NFIL3: variants seen among roughly 807,000 people sequenced by gnomAD.
The protein encoded by NFIL3 is nuclear factor interleukin-3-regulated protein.
In NFIL3, 5 loss-of-function variants were observed where a neutral mutation model predicts 10.0. That is an observed-to-expected ratio of 0.50 (90% CI 0.26 to 1.06). NFIL3 has a LOEUF of 1.06. Among genes scored for constraint, NFIL3 ranks in the 50% least tolerant of loss-of-function variants. The probability of loss-of-function intolerance (pLI) is 0.13; values close to 1 mark genes in which losing one functional copy is unlikely to be tolerated. For missense variants in NFIL3, 436 were observed against 547.6 expected (o/e 0.80, Z 2.03); for synonymous variants, 202 against 206.5 (o/e 0.98, Z 0.19).
the NFIL3 span, among the ~76,000 whole-genome samples, chr9:91,462,532 G>A: frequency 1.8e-4 from 28 of 151,920 alleles, no homozygotes; most frequent in Non-Finnish European, 3.4e-4. Flanking sequence ...CTTTGCATAC[G>A]TGGAATAAAT....
chr9:91,446,961 C>T, the NFIL3 span, among the ~76,000 whole-genome samples: 2 of 151,948 alleles, frequency 1.3e-5, no homozygotes, highest in Non-Finnish European at 2.9e-5. Context: ...GATTACAGGT[C>T]CGCACCACCA....
intron 1 of NFIL3, among the ~76,000 whole-genome samples, chr9:91,412,112 A>C (rs1015572082): frequency 6.0e-5 from 9 of 150,472 alleles, no homozygotes; most frequent in Middle Eastern, 3.2e-3. Context: ...AAAAAAAAAA[A>C]AAAAAAAAAA....
In NFIL3 at chr9:91,409,784, T is replaced by C. The variant is rs764081790; in HGVS notation, c.951A>G (p.Glu317=). Residue 317 remains glutamate (E), a synonymous_variant, in exon 2 of 2, where the codon GAA becomes GAG. Coordinates refer to ENST00000297689, the MANE Select transcript of NFIL3 (RefSeq NM_005384.3). The stretch of plus-strand genomic sequence containing the variant: ...TGTGTGGCAAGGCAGAGGAATTCAC[T>C]TCTGGAACTTTAACCACAGTTGCAT... ...HVHATVVKVP[E]VNSSALPHKL... is the part of the protein sequence containing the mutation. 4.9e-5 allele frequency: 79 copies of C among 1,614,140 alleles called. No homozygotes were observed. Among genetic ancestry groups the C allele is most frequent in the Non-Finnish European group, 3.9e-5 (46 of 1,180,060 alleles).
At chr9:91,413,514 G>A (rs549007886) in intron 1 of NFIL3, among the ~76,000 whole-genome samples, 1 of 152,098 alleles carries the variant, frequency 6.6e-6, no homozygotes, top group Non-Finnish European at 1.5e-5. Flanking sequence ...GACTCCCAAA[G>A]TGCTGGGATT....
Position 91,417,721 on chromosome 9 carries a change from C to G in NFIL3, c.-173+5919G>C, listed in dbSNP as rs376832269. 3.9e-5 allele frequency among the ~76,000 whole-genome samples: 6 copies of G among 152,238 alleles called. No homozygotes were observed. The East Asian group carries it at 7.7e-4, about 20-fold the overall frequency. On this transcript the variant is annotated intron_variant, in intron 1 of 1. Coordinates refer to ENST00000297689, the MANE Select transcript of NFIL3 (RefSeq NM_005384.3). ...GCTGAGAAAACTATGTTAAACCTCT[C>G]TAAGGGCCATTCTGTCCCCAAGAAG... is the stretch of plus-strand genomic sequence containing the variant.
At chr9:91,446,193 C>T in the NFIL3 span, among the ~76,000 whole-genome samples, 2 of 152,098 alleles carry the variant, frequency 1.3e-5, no homozygotes, top group Non-Finnish European at 2.9e-5. Context: ...TTTCAGGAGT[C>T]CTCTTGCTTA....
At chr9:91,420,234 AAAT>A (rs1426376344) in intron 1 of NFIL3, among the ~76,000 whole-genome samples, 1 of 152,088 alleles carries the variant, frequency 6.6e-6, no homozygotes, top group Non-Finnish European at 1.5e-5. Flanking sequence ...GCAAATTAAA[AAAT>A]ATATATATTA....
At chr9:91,424,245 T>A (rs12001634), upstream of NFIL3, among the ~76,000 whole-genome samples, 66,807 of 151,894 alleles carry the variant, frequency 0.44, 16,651 homozygotes, top group African/African-American at 0.69. Context: ...GGCTCTGCGC[T>A]CCCCGCGACC....
chr9:91,432,777 T>C, the NFIL3 span, among the ~76,000 whole-genome samples: 1 of 152,194 alleles, frequency 6.6e-6, no homozygotes, highest in South Asian at 2.1e-4. Context: ...TTTCTAGTAC[T>C]CTTTTGGAGT....
chr9:91,411,991 A>G (rs1833558914), intron 1 of NFIL3, among the ~76,000 whole-genome samples: 1 of 150,340 alleles, frequency 6.7e-6, no homozygotes, highest in Non-Finnish European at 1.5e-5. Flanking sequence ...AATCCCAGCT[A>G]CTCGGGAGGC....
chr9:91,447,111 C>A, the NFIL3 span, among the ~76,000 whole-genome samples: 1 of 152,110 alleles, frequency 6.6e-6, no homozygotes, highest in African/African-American at 2.4e-5. Flanking sequence ...CCACTGCGCC[C>A]GGCCCTGATG....
the NFIL3 span, among the ~76,000 whole-genome samples, chr9:91,435,396 T>A: frequency 6.6e-6 from 1 of 152,286 alleles, no homozygotes; most frequent in Non-Finnish European, 1.5e-5. Context: ...TCAAATTTTA[T>A]CTTAATTTGC....
the NFIL3 span, among the ~76,000 whole-genome samples, chr9:91,480,102 A>G: frequency 6.6e-6 from 1 of 150,984 alleles, no homozygotes; most frequent in African/African-American, 2.4e-5. Flanking sequence ...CTATTTGGCC[A>G]TCTTGCCAGC....
At chr9:91,436,619 C>CA in the NFIL3 span, among the ~76,000 whole-genome samples, 1 of 143,110 alleles carries the variant, frequency 7.0e-6, no homozygotes, top group Non-Finnish European at 1.5e-5. Context: ...ACAACAACAA[C>CA]AAAGAGTTGA....
intron 1 of NFIL3, among the ~76,000 whole-genome samples, chr9:91,422,941 C>T (rs750991009): frequency 6.6e-6 from 1 of 152,170 alleles, no homozygotes; most frequent in African/African-American, 2.4e-5. Flanking sequence ...TGCACACATA[C>T]GCGCATATTC....
the NFIL3 span, among the ~76,000 whole-genome samples, chr9:91,434,953 T>A: frequency 6.6e-6 from 1 of 152,200 alleles, no homozygotes; most frequent in Admixed American, 6.5e-5. Context: ...GAGGTCAGCA[T>A]GAACATGCCC....
At position 91,419,560 on chromosome 9, in the gene NFIL3, T is replaced by C. The variant is rs543235651; in HGVS notation, c.-173+4080A>G. 2.3e-4 allele frequency among the ~76,000 whole-genome samples: 35 copies of C among 152,368 alleles called. No homozygotes were observed. The Middle Eastern group carries it at 0.01, about 44-fold the overall frequency. ...ACTACAGTGAGTGTGAGAATACACT[T>C]TGTTGAGGTGCAAATTTCCCCATCT... is the stretch of plus-strand genomic sequence containing the variant. On this transcript the variant is annotated intron_variant, in intron 1 of 1. Transcript: ENST00000297689.
rs563237043 is a variant in NFIL3 at position 91,409,287 on chromosome 9, T to G, written c.*59A>C. The G allele has an allele frequency of 1.4e-6, 2 of 1,467,976 alleles. No individual in the cohort carries two copies. Among genetic ancestry groups the G allele is most frequent in the South Asian group, 2.7e-5 (2 of 72,804 alleles). 90.9% of individuals were successfully genotyped at this position (1,467,976 alleles called of 1,614,324 possible). On this transcript the variant is annotated 3_prime_UTR_variant, in exon 2 of 2. Coordinates refer to ENST00000297689, the MANE Select transcript of NFIL3 (RefSeq NM_005384.3). ...AGTGAAAATTCAGCATAATACAAAA[T>G]GGACTGCTCTATTGCAAATGACATC... is the stretch of plus-strand genomic sequence containing the variant.
At chr9:91,466,108 A>G in the NFIL3 span, among the ~76,000 whole-genome samples, 1 of 152,034 alleles carries the variant, frequency 6.6e-6, no homozygotes, top group African/African-American at 2.4e-5. Context: ...GGCTGGTGTG[A>G]TTGATCCTGA....
Sources: gnomAD v4.1 joint callset for allele counts (sites outside exome capture counted in the v4.1 genomes callset) on GRCh38, gnomAD v4.1.1 for gene constraint, MANE v1.5 for transcripts, NCBI Gene and HGNC (gene_info 2026-07-23, HGNC 2026-07-21) for gene names.